The following IL2RG variants were observed in gnomAD, a reference collection of about 807,000 sequenced individuals.
IL2RG encodes cytokine receptor common subunit gamma.
For synonymous variants in IL2RG, 111 were observed against 108.5 expected (o/e 1.02, Z -0.15); for missense variants, 205 against 272.9 (o/e 0.75, Z 1.75).
At chrX:71,110,711 A>G (rs751743687) in intron 2 of IL2RG, 23 bp from the exon 3 acceptor site, 2 of 1,184,945 alleles carry the variant, frequency 1.7e-6, no homozygotes, top group Non-Finnish European at 2.3e-6. Flanking sequence ...GGTTGGAAGG[A>G]AGAGGAACAG....
At chrX:71,109,443 T>TTCTCCC in intron 4 of IL2RG, 53 bp from the exon 5 acceptor site, 1 of 1,099,472 alleles carries the variant, frequency 9.1e-7, no homozygotes, top group Non-Finnish European at 1.3e-6. Context: ...GAAGGGAGAA[T>TTCTCCC]TAAAACATAC....
Position 71,107,770 on chromosome X carries a change from G to T in IL2RG, c.1076C>A (p.Ala359Asp). The T allele has an allele frequency of 8.7e-7, 1 of 1,153,643 alleles. No individual in the cohort carries two copies. Residue 359 changes from alanine to aspartate, a missense_variant, in exon 8 of 8, where the codon GCC becomes GAC. Physicochemically the swap from Ala to Asp is moderately radical, Grantham distance 126. Coordinates refer to ENST00000374202, the MANE Select transcript of IL2RG (RefSeq NM_000206.3). ...AGGCTTTAGGGTGTAACATGGGGGG[G>T]CCCAGTAGGGGCTATGCTGGTTGCA... ...SPCNQHSPYW[A>D]PPCYTLKPET
Position 71,111,437 on chromosome X carries a change from C to G in IL2RG, c.103G>C (p.Asp35His), listed in dbSNP as rs2092263840. ...CCAGATTTCCCACCAGCTGTGGTGT[C>G]TTCATTCCCATTGGGCGTCAGAATT... ...TTILTPNGNE[D>H]TTADFFLTTM... The change falls in exon 1 of 8, where the codon GAC (aspartate) becomes CAC (histidine). Residue 35 changes from aspartate to histidine, a missense_variant. Transcript: ENST00000374202. 2 of 1,211,563 alleles carry G rather than the reference C, an allele frequency of 1.7e-6. No homozygotes were observed. Among genetic ancestry groups the G allele is most frequent in the East Asian group, 5.9e-5 (2 of 33,822 alleles).
chrX:71,110,782 T>G (rs2092262029), intron 2 of IL2RG, 94 bp from the exon 3 acceptor site: 3 of 1,099,724 alleles, frequency 2.7e-6, no homozygotes, highest in Non-Finnish European at 3.8e-6. Context: ...TCAACCGACT[T>G]ATGACTTACC....
In IL2RG at chrX:71,107,522, G is replaced by A; in HGVS notation, c.*214C>T. On this transcript the variant is annotated 3_prime_UTR_variant, in exon 8 of 8. Coordinates refer to ENST00000374202, the MANE Select transcript of IL2RG (RefSeq NM_000206.3). ...AGGAAGAATCCTGCGAAAAGGAAGG[G>A]CCAGACTGAGGGAGAAGAAAAACAT... is the stretch of plus-strand genomic sequence containing the variant. 1 of 316,591 alleles carries A rather than the reference G, an allele frequency of 3.2e-6. No individual in the cohort carries two copies. The highest frequency in any genetic ancestry group is 5.6e-6 in the Non-Finnish European group (1 of 179,102). 26.1% of individuals were successfully genotyped at this position (316,591 alleles called of 1,213,427 possible). A position where few individuals can be genotyped will look rare whatever the true frequency, so the allele number is the denominator to read the frequency against.
rs1204738180 is a variant in IL2RG at position 71,111,508 on chromosome X, A to T, written c.32T>A (p.Leu11His). 1 of 1,209,441 alleles carries T rather than the reference A, an allele frequency of 8.3e-7. No homozygotes were observed. Among genetic ancestry groups the T allele is most frequent in the Non-Finnish European group, 1.1e-6 (1 of 894,924 alleles). Reference sequence around the variant, plus strand: ...CAGCAGGGGCAGCTGCAGGAATAAGAGGGATGTGAATGGTAATGATGGCTT... The same window carrying T: ...CAGCAGGGGCAGCTGCAGGAATAAGTGGGATGTGAATGGTAATGATGGCTT... MLKPSLPFTS[L>H]LFLQLPLLGV... Residue 11 changes from leucine to histidine, a missense_variant, in exon 1 of 8, where the codon CTC becomes CAC. Coordinates refer to ENST00000374202, the MANE Select transcript of IL2RG (RefSeq NM_000206.3).
In IL2RG at chrX:71,107,693, A is replaced by G; in HGVS notation, c.*43T>C. ...GAATGAAGGAAAGTTAGTACCACTT[A>G]GGGCTACAGGACCCTGGGGTTCTTC... On this transcript the variant is annotated 3_prime_UTR_variant, in exon 8 of 8. Coordinates refer to ENST00000374202, the MANE Select transcript of IL2RG (RefSeq NM_000206.3). 9.7e-7 allele frequency: 1 copy of G among 1,035,168 alleles called. No individual in the cohort carries two copies. The highest frequency in any genetic ancestry group is 1.3e-6 in the Non-Finnish European group (1 of 780,591). 85.3% of individuals were successfully genotyped at this position (1,035,168 alleles called of 1,213,427 possible).
At chrX:71,109,039 A>G (rs2092257625) in intron 5 of IL2RG, among the ~76,000 whole-genome samples, 189 bp downstream of exon 5, 1 of 111,279 alleles carries the variant, frequency 9.0e-6, no homozygotes. Flanking sequence ...CCACTCCCCT[A>G]CTCTAACAAC....
intron 7 of IL2RG, 161 bp from the exon 8 acceptor site, chrX:71,108,082 A>T (rs1214371613): frequency 1.5e-5 from 8 of 527,189 alleles, no homozygotes; most frequent in Non-Finnish European, 2.6e-5. Flanking sequence ...CATCTGCCTC[A>T]TTCAATCTAT....
At position 71,110,631 on chromosome X, in the gene IL2RG, T is replaced by C. The variant is rs772713987; in HGVS notation, c.327A>G (p.Glu109=). The change falls in exon 3 of 8, where the codon GAA becomes GAG. Residue 109 remains glutamate (E), a synonymous_variant. Transcript: ENST00000374202. ...VQKCSHYLFS[E]EITSGCQLQK... is the part of the protein sequence containing the mutation. ...GCAACTGACAGCCAGAAGTGATTTC[T>C]TCAGAGAATAGATAGTGGCTGCACT... 4 of 1,207,819 alleles carry C rather than the reference T, an allele frequency of 3.3e-6. No individual in the cohort carries two copies. In the African/African-American group the frequency reaches 7.0e-5, roughly 21 times the overall value.
intron 1 of IL2RG, 90 bp downstream of exon 1, chrX:71,111,335 G>A (rs2092263537): frequency 3.5e-6 from 4 of 1,127,551 alleles, no homozygotes; most frequent in African/African-American, 1.8e-5. Context: ...CCACATGATT[G>A]TAATGGCCAG....
At chrX:71,110,044 C>T (rs2092260131) in intron 4 of IL2RG, 112 bp downstream of exon 4, 2 of 799,203 alleles carry the variant, frequency 2.5e-6, no homozygotes, top group Non-Finnish European at 3.8e-6. Flanking sequence ...AGCAGAGAAG[C>T]TGGGAGGCAG....
intron 2 of IL2RG, 87 bp downstream of exon 2, chrX:71,110,810 G>C: frequency 5.4e-6 from 6 of 1,116,103 alleles, no homozygotes; most frequent in Non-Finnish European, 7.4e-6. Flanking sequence ...AAAACAGTGG[G>C]GTACCTGGGA....
At position 71,110,308 on chromosome X, in the gene IL2RG, G is replaced by A; in HGVS notation, c.455-13C>T. 8.3e-7 allele frequency: 1 copy of A among 1,208,666 alleles called. No homozygotes were observed. The highest frequency in any genetic ancestry group is 1.1e-6 in the Non-Finnish European group (1 of 892,997). On this transcript the variant is annotated splice_polypyrimidine_tract_variant and intron_variant, in intron 3 of 7. Coordinates refer to ENST00000374202, the MANE Select transcript of IL2RG (RefSeq NM_000206.3). ...GCCCAGGGGATCACTGGAGATATGT[G>A]TGCATATGTGGTCATTCCCCTGGCC...
chrX:71,111,258 AAAG>A (rs1208395940), intron 1 of IL2RG, 164 bp downstream of exon 1: 12 of 740,001 alleles, frequency 1.6e-5, no homozygotes, highest in South Asian at 1.3e-4. Flanking sequence ...AACAAGAAAG[AAAG>A]AAGAAGTAGC....
intron 5 of IL2RG, among the ~76,000 whole-genome samples, chrX:71,108,903 A>G (rs2092257414): frequency 8.9e-6 from 1 of 112,536 alleles, no homozygotes; most frequent in Admixed American, 9.4e-5. Flanking sequence ...AAGAGGTAGT[A>G]TGTGGCACAG....
At chrX:71,109,414 A>C (rs780228901) in intron 4 of IL2RG, 24 bp from the exon 5 acceptor site, 21 of 1,190,907 alleles carry the variant, frequency 1.8e-5, no homozygotes, top group Non-Finnish European at 2.4e-5. Context: ...AGGATGAGGG[A>C]AAGTGGGTGT....
chrX:71,110,736 G>C (rs1417038728), intron 2 of IL2RG, 48 bp from the exon 3 acceptor site: 2 of 1,110,051 alleles, frequency 1.8e-6, no homozygotes, highest in South Asian at 3.7e-5. Flanking sequence ...GCCAATCTGG[G>C]TACTGCAGAT....
At position 71,109,746 on chromosome X, in the gene IL2RG, C is replaced by T. The variant is rs968846459; in HGVS notation, c.595-356G>A. Reference sequence around the variant, plus strand: ...GGTCAGGAGTTCAAGACCAGCCTGACCAACATGGCAAAACCCTGTCTTTAC... The same window carrying T: ...GGTCAGGAGTTCAAGACCAGCCTGATCAACATGGCAAAACCCTGTCTTTAC... On this transcript the variant is annotated intron_variant, in intron 4 of 7. Coordinates refer to ENST00000374202, the MANE Select transcript of IL2RG (RefSeq NM_000206.3). Among the ~76,000 whole-genome samples, 5 of 109,904 alleles carry T rather than the reference C, an allele frequency of 4.5e-5. No homozygotes were observed. The Admixed American group carries it at 4.9e-4, about 11-fold the overall frequency.
Sources: allele counts gnomAD v4.1 joint callset (sites outside exome capture counted in the v4.1 genomes callset), GRCh38; gene constraint gnomAD v4.1.1; transcripts MANE v1.5; gene names NCBI Gene and HGNC (gene_info 2026-07-23, HGNC 2026-07-21).